The following EHBP1 variants were observed in gnomAD, a reference collection of about 807,000 sequenced individuals.
The protein encoded by EHBP1 is EH domain-binding protein 1.
Under a neutral mutation model 144.0 loss-of-function variants are expected in EHBP1, and 55 were observed. The ratio of observed to expected loss-of-function variants is 0.38; its 90% confidence interval spans 0.31 to 0.48. EHBP1 has a LOEUF of 0.48. EHBP1 is among the 20% of genes least tolerant of loss of function. The pLI is 0.98. For missense variants in EHBP1, 1,200 were observed against 1,364.2 expected, an observed-to-expected ratio of 0.88 and a Z score of 1.90; for synonymous variants, 469 against 472.7, an observed-to-expected ratio of 0.99 and a Z score of 0.10.
At chr2:62,716,345 G>A (rs2035678391) in intron 2 of EHBP1, among the ~76,000 whole-genome samples, 2 of 152,176 alleles carry the variant, frequency 1.3e-5, no homozygotes, top group South Asian at 4.1e-4. Context: ...TAGGACCTAT[G>A]AAGCAGGCAA....
In EHBP1 at chr2:62,948,759, C is replaced by T; in HGVS notation, c.1913C>T (p.Ser638Phe). 6.2e-7 allele frequency: 1 copy of T among 1,614,044 alleles called. No individual in the cohort carries two copies. The highest frequency in any genetic ancestry group is 1.3e-5 in the African/African-American group (1 of 75,010). ...GGATCTGATGACCCTGGAATATGTT[C>T]CAATACAGATTCAACCCAAGCACAG... ...TSGSDDPGIC[S>F]NTDSTQAQVL... Residue 638 changes from serine (S) to phenylalanine (F), a missense_variant, in exon 13 of 23, where the codon TCC (serine) becomes TTC (phenylalanine). By Grantham distance (155) the Ser-to-Phe change is radical. Around this residue, in one of 6 missense-constraint regions of EHBP1, gnomAD observed 543 missense variants for 513.1 expected, o/e 1.06. Coordinates refer to ENST00000431489, the MANE Select transcript of EHBP1 (RefSeq NM_001142616.3).
At chr2:62,695,742 T>TC (rs1400250470) in intron 1 of EHBP1, among the ~76,000 whole-genome samples, 1 of 152,220 alleles carries the variant, frequency 6.6e-6, no homozygotes, top group African/African-American at 2.4e-5. Context: ...AAACAGAGTC[T>TC]CACTCTGTCT....
intron 4 of EHBP1, among the ~76,000 whole-genome samples, chr2:62,766,053 T>G (rs1002281799): frequency 6.6e-6 from 1 of 152,178 alleles, no homozygotes; most frequent in African/African-American, 2.4e-5. Context: ...TTTGGCAGGT[T>G]TTTATCCTAC....
At chr2:62,826,368 C>A in intron 6 of EHBP1, 100 bp downstream of exon 6, 1 of 1,112,616 alleles carries the variant, frequency 9.0e-7, no homozygotes, top group Non-Finnish European at 1.2e-6. Context: ...TTACAGCATA[C>A]CAATCATTTT....
At chr2:62,721,587 G>C (rs73934278) in intron 2 of EHBP1, among the ~76,000 whole-genome samples, 3,104 of 152,288 alleles carry the variant, frequency 0.02, 97 homozygotes, top group African/African-American at 0.07. Context: ...AGTTATGTAA[G>C]TGTCCTATTT....
chr2:62,748,880 G>A (rs916136904), intron 3 of EHBP1, among the ~76,000 whole-genome samples: 12 of 152,026 alleles, frequency 7.9e-5, no homozygotes. Flanking sequence ...TTACATATGT[G>A]TAATACACAG....
chr2:62,970,845 G>A (rs2058466697), intron 14 of EHBP1, among the ~76,000 whole-genome samples: 1 of 152,142 alleles, frequency 6.6e-6, no homozygotes, highest in African/African-American at 2.4e-5. Context: ...TTGTAGCTGT[G>A]TCAAAGCCGC....
chr2:62,707,671 A>G (rs942074321), intron 2 of EHBP1, among the ~76,000 whole-genome samples: 6 of 152,240 alleles, frequency 3.9e-5, no homozygotes, highest in Admixed American at 2.6e-4. Flanking sequence ...TATAACAGGC[A>G]TATGATTTAA....
rs978581327 is a variant in EHBP1, at chr2:62,853,878, A to G, written c.635-5291A>G. On this transcript the variant is annotated intron_variant, in intron 7 of 22. Transcript: ENST00000431489. ...ATGCTAAAAAGGAATGAGTAGTAAT[A>G]TTTTGGAAGGCGTCTTTTTTTCTGC... Among the ~76,000 whole-genome samples, 12 of 152,182 alleles carry G rather than the reference A, an allele frequency of 7.9e-5. 1 individual carries two copies. The highest frequency in any genetic ancestry group is 7.9e-4 in the Admixed American group (12 of 15,282).
At chr2:62,756,123 AAAG>A (rs1021479295) in intron 3 of EHBP1, among the ~76,000 whole-genome samples, 14 of 152,138 alleles carry the variant, frequency 9.2e-5, no homozygotes, top group Non-Finnish European at 1.9e-4. Context: ...AAAAAAAAAA[AAAG>A]AATACCTATA....
intron 10 of EHBP1, among the ~76,000 whole-genome samples, chr2:62,937,279 G>A (rs1229495762): frequency 6.6e-6 from 1 of 152,084 alleles, no homozygotes; most frequent in African/African-American, 2.4e-5. Flanking sequence ...CTTTGGAGTG[G>A]GAATTCCTTG....
At chr2:62,928,776 C>A (rs1319179986) in intron 10 of EHBP1, among the ~76,000 whole-genome samples, 1 of 150,396 alleles carries the variant, frequency 6.6e-6, no homozygotes, top group African/African-American at 2.4e-5. Context: ...AATTAATGAA[C>A]CCAGATGTTG....
At chr2:62,779,464 A>C (rs1407266679) in intron 5 of EHBP1, among the ~76,000 whole-genome samples, 1 of 152,204 alleles carries the variant, frequency 6.6e-6, no homozygotes. Flanking sequence ...TCAAGGAAGA[A>C]AGTGAATTCT....
At chr2:62,977,142 A>C (rs945029442) in intron 14 of EHBP1, among the ~76,000 whole-genome samples, 1 of 151,480 alleles carries the variant, frequency 6.6e-6, no homozygotes, top group African/African-American at 2.4e-5. Flanking sequence ...TCTTTCTCAA[A>C]TACACCTCTA....
At chr2:62,696,869 A>C (rs1339979415) in intron 1 of EHBP1, among the ~76,000 whole-genome samples, 1 of 152,206 alleles carries the variant, frequency 6.6e-6, no homozygotes, top group Admixed American at 6.5e-5. Flanking sequence ...AAGACAAAAA[A>C]CAACCTTTAA....
chr2:63,030,408 TACAC>T (rs200310215), intron 19 of EHBP1, among the ~76,000 whole-genome samples: 41 of 150,164 alleles, frequency 2.7e-4, no homozygotes, highest in African/African-American at 9.0e-4. Context: ...TATATATATA[TACAC>T]ACACACACAC....
intron 10 of EHBP1, among the ~76,000 whole-genome samples, chr2:62,904,346 C>A (rs1456273616): frequency 6.6e-6 from 1 of 152,198 alleles, no homozygotes; most frequent in Non-Finnish European, 1.5e-5. Flanking sequence ...CCTTCTCTTC[C>A]ATTCCTTTAT....
At chr2:62,820,587 A>G (rs1255609366) in intron 5 of EHBP1, among the ~76,000 whole-genome samples, 1 of 151,536 alleles carries the variant, frequency 6.6e-6, no homozygotes, top group African/African-American at 2.4e-5. Flanking sequence ...TCATATAAGT[A>G]GAATCATATA....
intron 5 of EHBP1, among the ~76,000 whole-genome samples, chr2:62,775,777 G>T (rs939872100): frequency 4.6e-5 from 7 of 152,092 alleles, no homozygotes; most frequent in African/African-American, 1.7e-4. Flanking sequence ...CTATTTTACA[G>T]GTAAAGAAAG....
Sources: gnomAD v4.1 joint callset for allele counts (sites outside exome capture counted in the v4.1 genomes callset) on GRCh38, gnomAD v4.1.1 for gene constraint, gnomAD v4.1.1 regional missense constraint, MANE v1.5 for transcripts, NCBI Gene and HGNC (gene_info 2026-07-23, HGNC 2026-07-21) for gene names.